Variants in ATP11A observed in about 807,000 individuals in gnomAD.
ATP11A encodes ATPase phospholipid transporting 11A, also known as phospholipid-transporting ATPase IH.
In ATP11A, 81 loss-of-function variants were observed where a neutral mutation model predicts 154.4. The ratio of observed to expected loss-of-function variants is 0.52; its 90% CI spans 0.44 to 0.63. ATP11A has a LOEUF of 0.63. Ranked by LOEUF, ATP11A falls within the 30% of genes least tolerant of loss-of-function variation. The probability of loss-of-function intolerance (pLI) is 0.00; values close to 1 mark genes in which losing one functional copy is unlikely to be tolerated. For missense variants in ATP11A, 1,316 were observed against 1,474.3 expected, an observed-to-expected ratio of 0.89 and a Z score of 1.76; for synonymous variants, 623 against 585.9, an observed-to-expected ratio of 1.06 and a Z score of -0.91.
chr13:112,878,582 A>G (rs924038916), intron 29 of ATP11A: 3 of 520,370 alleles, frequency 5.8e-6, no homozygotes, highest in Non-Finnish European at 1.0e-5. Flanking sequence ...CACAGCTGAC[A>G]GCGGAGAGCT....
intron 2 of ATP11A, among the ~76,000 whole-genome samples, chr13:112,791,242 A>G (rs980061574): frequency 4.6e-5 from 7 of 152,224 alleles, no homozygotes; most frequent in African/African-American, 1.7e-4. Context: ...GTGGACTTGT[A>G]GGGCAGGATT....
At chr13:112,825,164 G>A (rs182643529) in intron 10 of ATP11A, among the ~76,000 whole-genome samples, 75 of 152,302 alleles carry the variant, frequency 4.9e-4, no homozygotes, top group African/African-American at 1.5e-3. Context: ...AGCATGGTCC[G>A]CAGTGTGGCT....
chr13:112,777,036 G>A (rs956375783), intron 1 of ATP11A, among the ~76,000 whole-genome samples: 19 of 152,300 alleles, frequency 1.2e-4, no homozygotes, highest in East Asian at 3.9e-4. Flanking sequence ...TCTGCACCGC[G>A]GGTTTGGAGT....
At chr13:112,778,749 G>C (rs1288483132) in intron 1 of ATP11A, among the ~76,000 whole-genome samples, 2 of 144,936 alleles carry the variant, frequency 1.4e-5, no homozygotes. Context: ...GTAGCCACTG[G>C]AGTGAGGAGT....
At position 112,832,843 on chromosome 13, in the gene ATP11A, G is replaced by A. The variant is rs199852193; in HGVS notation, c.1396-17G>A. 15 of 1,609,806 alleles carry A rather than the reference G, an allele frequency of 9.3e-6. No homozygotes were observed. Among genetic ancestry groups the A allele is most frequent in the East Asian group, 8.9e-5 (4 of 44,776 alleles). On this transcript the variant is annotated splice_polypyrimidine_tract_variant and intron_variant, in intron 13 of 29. Transcript: ENST00000375645. ...ACGCACCGTGATTTGGGGGTTCTGG[G>A]AACTGCTTTTTTATAGGAGCGCGAG... is the stretch of plus-strand genomic sequence containing the variant.
In ATP11A at chr13:112,859,716, G is replaced by A. The variant is rs1254953299; in HGVS notation, c.2727+264G>A. Among the ~76,000 whole-genome samples, 1 of 152,192 alleles carries A rather than the reference G, an allele frequency of 6.6e-6. No homozygotes were observed. On this transcript the variant is annotated intron_variant, in intron 23 of 29. Transcript: ENST00000375645. The surrounding 1 kb of genome is among the most constrained non-coding windows in gnomAD (Gnocchi z 4.3). ...CTGAGATGCGGGCCAGTGATGATGT[G>A]GTCTCCTCAGGGCCCAGCAGTGCTG...
chr13:112,859,341 G>A lies in ATP11A; in HGVS notation c.2668-52G>A. 1.2e-5 allele frequency: 18 copies of A among 1,533,800 alleles called. No individual in the cohort carries two copies. Among genetic ancestry groups the A allele is most frequent in the Non-Finnish European group, 1.6e-5 (18 of 1,107,240 alleles). On this transcript the variant is annotated intron_variant, in intron 22 of 29. Coordinates refer to ENST00000375645, the MANE Select transcript of ATP11A (RefSeq NM_015205.3). The surrounding 1 kb of genome is among the most constrained non-coding windows in gnomAD (Gnocchi z 4.3). ...GGGTGGGCCACGTCGGTAGGTGGCG[G>A]CTGCCTCCCTCTGTCCCGTCACCGA...
At chr13:112,728,955 T>C (rs1890196817) in intron 1 of ATP11A, among the ~76,000 whole-genome samples, 1 of 152,180 alleles carries the variant, frequency 6.6e-6, no homozygotes, top group Admixed American at 6.5e-5. Context: ...CCCTGGTGCA[T>C]GTGACAAGCA....
At chr13:112,816,253 G>C (rs2140183687) in intron 6 of ATP11A, 42 bp downstream of exon 6, 1 of 1,613,510 alleles carries the variant, frequency 6.2e-7, no homozygotes, top group African/African-American at 1.3e-5. Context: ...GGATCTTCCT[G>C]TCCTGCTTCG....
At chr13:112,846,206 T>A (rs1281350931) in intron 17 of ATP11A, among the ~76,000 whole-genome samples, 1 of 152,130 alleles carries the variant, frequency 6.6e-6, no homozygotes, top group Non-Finnish European at 1.5e-5. Context: ...TTTCATCAAG[T>A]TTAACATTTT....
chr13:112,869,130 C>G (rs1442803411), intron 25 of ATP11A, among the ~76,000 whole-genome samples: 1 of 152,160 alleles, frequency 6.6e-6, no homozygotes, highest in African/African-American at 2.4e-5. Flanking sequence ...CCTGGGGGCC[C>G]CACTTCAGGC....
chr13:112,872,608 C>CA (rs2080559976), intron 26 of ATP11A, among the ~76,000 whole-genome samples: 1 of 152,170 alleles, frequency 6.6e-6, no homozygotes, highest in Non-Finnish European at 1.5e-5. Flanking sequence ...GAGACTGTCT[C>CA]AAAAAAATTT....
At chr13:112,789,603 T>G (rs2077778928) in intron 2 of ATP11A, among the ~76,000 whole-genome samples, 1 of 149,180 alleles carries the variant, frequency 6.7e-6, no homozygotes, top group Admixed American at 6.7e-5. Context: ...CGTAGACCCC[T>G]GTGGAGACCT....
intron 1 of ATP11A, among the ~76,000 whole-genome samples, chr13:112,784,785 A>C (rs2077581864): frequency 6.6e-6 from 1 of 152,044 alleles, no homozygotes; most frequent in Non-Finnish European, 1.5e-5. Context: ...GGCCTCCCAA[A>C]GTGCTGGGAT....
rs978049691 is a variant in ATP11A at position 112,713,677 on chromosome 13, G to A, written c.39+23222G>A. On this transcript the variant is annotated intron_variant, in intron 1 of 29. Coordinates refer to ENST00000375645, the MANE Select transcript of ATP11A (RefSeq NM_015205.3). ...TTCAGGCAGAGTGGACATTTCACTC[G>A]CGGTTTAATTTGCGGGAAGATCACA... Among the ~76,000 whole-genome samples the A allele has an allele frequency of 2.6e-5, 4 of 152,254 alleles. 1 individual carries two copies. Among genetic ancestry groups the A allele is most frequent in the Middle Eastern group, 6.8e-3 (2 of 294 alleles).
Position 112,824,382 on chromosome 13 carries a change from T to C in ATP11A, c.829T>C (p.Leu277=), listed in dbSNP as rs1346548799. ...IYTGMETKMA[L]NYQSKSQKRS... ...CACGGGAATGGAAACCAAGATGGCA[T>C]TAAATTATCAATCAAAATCTCAGAA... Residue 277 remains leucine, a synonymous_variant, in exon 10 of 30, where the codon TTA becomes CTA. Transcript: ENST00000375645. 6.2e-7 allele frequency: 1 copy of C among 1,614,074 alleles called. No individual in the cohort carries two copies. Among genetic ancestry groups the C allele is most frequent in the African/African-American group, 1.3e-5 (1 of 74,936 alleles).
chr13:112,842,530 G>T, intron 17 of ATP11A, 151 bp downstream of exon 17: 1 of 697,822 alleles, frequency 1.4e-6, no homozygotes, highest in Non-Finnish European at 2.4e-6. Flanking sequence ...AGACAGACAG[G>T]CAGCCTCAGC....
chr13:112,733,186 C>T (rs570511556), intron 1 of ATP11A, among the ~76,000 whole-genome samples: 25 of 152,334 alleles, frequency 1.6e-4, no homozygotes, highest in Non-Finnish European at 2.9e-4. Context: ...CTTGTCCATG[C>T]GCTTCCCCAC....
At chr13:112,739,545 C>G (rs982934089) in intron 1 of ATP11A, among the ~76,000 whole-genome samples, 6 of 152,166 alleles carry the variant, frequency 3.9e-5, no homozygotes, top group Non-Finnish European at 8.8e-5. Context: ...TGAAGCTGCT[C>G]GGAAACACTT....
Sources: allele counts gnomAD v4.1 joint callset (sites outside exome capture counted in the v4.1 genomes callset), GRCh38; gene constraint gnomAD v4.1.1; non-coding constraint Gnocchi (gnomAD v3.1); transcripts MANE v1.5; gene names NCBI Gene and HGNC (gene_info 2026-07-23, HGNC 2026-07-21).